MIA2: variants seen among roughly 807,000 people sequenced by gnomAD.
The protein encoded by MIA2 is MIA SH3 domain ER export factor 2.
A neutral mutation model predicts 167.8 loss-of-function variants in MIA2; 127 were observed. The ratio of observed to expected loss-of-function variants is 0.76; its 90% CI spans 0.66 to 0.88. MIA2 has a LOEUF of 0.88. Among genes scored for constraint, MIA2 ranks in the 40% least tolerant of loss-of-function variants. The probability of loss-of-function intolerance (pLI) is 0.00; values close to 1 mark genes in which losing one functional copy is unlikely to be tolerated. For missense variants in MIA2, 1,690 were observed against 1,624.7 expected (o/e 1.04, Z -0.69); for synonymous variants, 552 against 541.9 (o/e 1.02, Z -0.26).
At chr14:39,328,950 CTT>C (rs1392446376) in intron 25 of MIA2, among the ~76,000 whole-genome samples, 2 of 152,138 alleles carry the variant, frequency 1.3e-5, no homozygotes, top group Admixed American at 1.3e-4. Context: ...GATATATGGG[CTT>C]TTTTTTGCTT....
exon 24 of MIA2, chr14:39,387,957 A>C (rs1413337873): frequency 6.6e-6 from 1 of 152,196 alleles, no homozygotes; most frequent in East Asian, 1.9e-4. Context: ...ACATAATGCT[A>C]TTGTACACCT....
intron 4 of MIA2, among the ~76,000 whole-genome samples, chr14:39,251,817 A>T (rs918951087): frequency 6.6e-6 from 1 of 152,216 alleles, no homozygotes; most frequent in Non-Finnish European, 1.5e-5. Flanking sequence ...AAGCTCAAAG[A>T]GCAAAATTAG....
intron 2 of MIA2, among the ~76,000 whole-genome samples, chr14:39,239,746 G>A (rs992167224): frequency 1.3e-5 from 2 of 152,126 alleles, no homozygotes; most frequent in African/African-American, 4.8e-5. Flanking sequence ...CCAGGGTGAA[G>A]TTTTAGGCAC....
chr14:39,268,401 C>G (rs1275342896), intron 6 of MIA2, among the ~76,000 whole-genome samples: 1 of 151,668 alleles, frequency 6.6e-6, no homozygotes, highest in Non-Finnish European at 1.5e-5. Flanking sequence ...TCTAAATGGA[C>G]TAAGACTTAG....
At chr14:39,276,645 C>A (rs1057501684) in intron 6 of MIA2, 5 of 307,222 alleles carry the variant, frequency 1.6e-5, no homozygotes, top group Admixed American at 1.4e-4. Flanking sequence ...AGTACCTGAA[C>A]CCTAGGTCAC....
chr14:39,300,011 G>A (rs763364367), intron 14 of MIA2, 25 bp downstream of exon 14: 7 of 1,572,860 alleles, frequency 4.5e-6, no homozygotes, highest in African/African-American at 1.4e-5. Context: ...TGGTTTTAGT[G>A]ATCAAGTTGG....
At chr14:39,356,162 G>T (rs946194693), downstream of MIA2, among the ~76,000 whole-genome samples, 1 of 151,860 alleles carries the variant, frequency 6.6e-6, no homozygotes, top group African/African-American at 2.4e-5. Context: ...GGTAGAATTC[G>T]GCTGTGAATC....
At chr14:39,251,056 A>G (rs1239172438) in intron 4 of MIA2, among the ~76,000 whole-genome samples, 1 of 152,194 alleles carries the variant, frequency 6.6e-6, no homozygotes, top group African/African-American at 2.4e-5. Context: ...AGAGTTAAAC[A>G]GCCAATCTTT....
At chr14:39,329,397 T>G (rs2068291128) in intron 25 of MIA2, among the ~76,000 whole-genome samples, 1 of 152,194 alleles carries the variant, frequency 6.6e-6, no homozygotes, top group Non-Finnish European at 1.5e-5. Context: ...AATCATGTCA[T>G]CTGCAAACAG....
At chr14:39,352,276 G>C (rs1437227863), downstream of MIA2, among the ~76,000 whole-genome samples, 1 of 148,822 alleles carries the variant, frequency 6.7e-6, no homozygotes, top group Non-Finnish European at 1.5e-5. Flanking sequence ...CTTGGCCTGT[G>C]AACAGAGCCT....
chr14:39,323,385 G>C (rs1486910991), intron 24 of MIA2, among the ~76,000 whole-genome samples: 2 of 152,040 alleles, frequency 1.3e-5, no homozygotes, highest in Non-Finnish European at 2.9e-5. Flanking sequence ...AGCACTTCAG[G>C]AAAGAGACTG....
chr14:39,314,751 A>C lies in MIA2; in HGVS notation c.3132A>C (p.Lys1044Asn). The change falls in exon 20 of 29, where the codon AAA (lysine) becomes AAC (asparagine). Residue 1044 changes from lysine to asparagine, a missense_variant. By Grantham distance (94) the Lys-to-Asn change is moderately conservative. Transcript: ENST00000640607. Reference sequence around the variant, plus strand: ...TCGTTCCATTTAGAAAGCGAGCCAAAGATCTTGAAGAAGAATTGGAGAGAA... The same window carrying C: ...TCGTTCCATTTAGAAAGCGAGCCAACGATCTTGAAGAAGAATTGGAGAGAA... ...EELETYRKRA[K>N]DLEEELERTI... 6.2e-7 allele frequency: 1 copy of C among 1,609,406 alleles called. No individual in the cohort carries two copies. Among genetic ancestry groups the C allele is most frequent in the Non-Finnish European group, 8.5e-7 (1 of 1,177,370 alleles).
chr14:39,241,136 A>G (rs1266688710), intron 3 of MIA2, among the ~76,000 whole-genome samples: 1 of 152,192 alleles, frequency 6.6e-6, no homozygotes, highest in African/African-American at 2.4e-5. Context: ...TTTATTTTCC[A>G]CCACGCTCCT....
chr14:39,316,590 T>G (rs943924529), intron 21 of MIA2, among the ~76,000 whole-genome samples: 3 of 152,218 alleles, frequency 2.0e-5, no homozygotes, highest in African/African-American at 7.2e-5. Context: ...TAGGTATTTC[T>G]TAGACATGTT....
At chr14:39,355,240 T>C (rs1258644025), downstream of MIA2, among the ~76,000 whole-genome samples, 1 of 152,194 alleles carries the variant, frequency 6.6e-6, no homozygotes, top group Admixed American at 6.5e-5. Flanking sequence ...CATTGAGCAG[T>C]GGTTTGTAGT....
chr14:39,300,736 C>T lies in MIA2; in HGVS notation c.2619+750C>T, dbSNP rs530025445. Among the ~76,000 whole-genome samples the T allele has an allele frequency of 5.6e-3, 850 of 151,626 alleles. 9 individuals carry two copies. The highest frequency in any genetic ancestry group is 0.019 in the African/African-American group (781 of 41,334). ...AATGTAAATGACGAGTTAATGGGTA[C>T]AGCACACCAACATGGCACAGGTATA... is the stretch of plus-strand genomic sequence containing the variant. On this transcript the variant is annotated intron_variant, in intron 14 of 28. Transcript: ENST00000640607.
Position 39,362,137 on chromosome 14 carries a change from G to A in MIA2, c.2248+13160G>A, listed in dbSNP as rs536528651. On this transcript the variant is annotated intron_variant, in intron 23 of 23. Coordinates refer to the MIA2 transcript ENST00000341502. The stretch of plus-strand genomic sequence containing the variant: ...ACATCCATATTCATCAGAGACATTG[G>A]CCTATAGTTTTGTTTTTTTGTTGTG... Among the ~76,000 whole-genome samples the A allele has an allele frequency of 2.0e-5, 3 of 152,220 alleles. No individual in the cohort carries two copies. The South Asian group carries it at 6.2e-4, about 32-fold the overall frequency.
intron 6 of MIA2, among the ~76,000 whole-genome samples, chr14:39,264,119 T>C (rs1182542063): frequency 6.6e-6 from 1 of 152,128 alleles, no homozygotes; most frequent in South Asian, 2.1e-4. Context: ...CATTTTTGAG[T>C]CCCTAGTGTT....
intron 23 of MIA2, among the ~76,000 whole-genome samples, chr14:39,383,887 A>G (rs1178930157): frequency 3.3e-5 from 5 of 152,232 alleles, no homozygotes; most frequent in African/African-American, 4.8e-5. Context: ...GTTTGATGCT[A>G]GCAGAGGTTG....
Sources: allele counts gnomAD v4.1 joint callset (sites outside exome capture counted in the v4.1 genomes callset), GRCh38; gene constraint gnomAD v4.1.1; transcripts MANE v1.5; gene names NCBI Gene and HGNC (gene_info 2026-07-23, HGNC 2026-07-21).